The following FGF10 variants were observed in gnomAD, a reference collection of about 807,000 sequenced individuals.
The protein encoded by FGF10 is fibroblast growth factor 10.
FGF10 carries 2 observed loss-of-function variants against 19.8 expected under a neutral mutation model. That is an observed-to-expected ratio of 0.10 (90% CI 0.04 to 0.32). The LOEUF (loss-of-function observed/expected upper bound fraction) is 0.32, where lower values mean the gene tolerates loss of function less well. Ranked by LOEUF, FGF10 falls within the 10% of genes least tolerant of loss-of-function variation. The pLI is 1.00. For missense variants in FGF10, 191 were observed against 246.3 expected (o/e 0.78, Z 1.50); for synonymous variants, 112 against 94.0 (o/e 1.19, Z -1.10).
At position 44,313,696 on chromosome 5, in the gene FGF10, G is replaced by A. The variant is rs185125633; in HGVS notation, c.326-3166C>T. Among the ~76,000 whole-genome samples the A allele has an allele frequency of 4.0e-5, 6 of 151,600 alleles. No homozygotes were observed. In the East Asian group the frequency reaches 7.8e-4, roughly 20 times the overall value. ...AAAACAGATATTTTGTAAATTTATA[G>A]GCATATTCTTGTAGTGAAATTCTAT... On this transcript the variant is annotated intron_variant, in intron 1 of 2. Coordinates refer to ENST00000264664, the MANE Select transcript of FGF10 (RefSeq NM_004465.2).
chr5:44,353,215 T>A (rs1473761199), intron 1 of FGF10, among the ~76,000 whole-genome samples: 1 of 151,664 alleles, frequency 6.6e-6, no homozygotes, highest in Non-Finnish European at 1.5e-5. Context: ...CCCTCTTCAA[T>A]ATCCATGTAA....
At chr5:44,354,476 A>G (rs999601419) in intron 1 of FGF10, among the ~76,000 whole-genome samples, 1 of 151,488 alleles carries the variant, frequency 6.6e-6, no homozygotes, top group Non-Finnish European at 1.5e-5. Flanking sequence ...TTTTTAGGTC[A>G]AATAATCAAC....
intron 1 of FGF10, among the ~76,000 whole-genome samples, chr5:44,331,895 A>G (rs2111761103): frequency 6.6e-6 from 1 of 152,198 alleles, no homozygotes; most frequent in East Asian, 1.9e-4. Flanking sequence ...ATTGGTTGAT[A>G]TTTAATGTGG....
chr5:44,366,127 CTTTTTTTTTT>C (rs35522683), intron 1 of FGF10, among the ~76,000 whole-genome samples: 4 of 74,824 alleles, frequency 5.3e-5, no homozygotes, highest in African/African-American at 2.0e-4. Context: ...CAATTATTTC[CTTTTTTTTTT>C]TTTTTTTTTT....
chr5:44,336,537 C>A (rs1230593744), intron 1 of FGF10, among the ~76,000 whole-genome samples: 2 of 152,098 alleles, frequency 1.3e-5, no homozygotes, highest in East Asian at 3.9e-4. Context: ...GAAGAACTGT[C>A]TCATGGAAAG....
intron 1 of FGF10, among the ~76,000 whole-genome samples, chr5:44,310,862 T>G (rs1740195327): frequency 1.3e-5 from 2 of 152,144 alleles, no homozygotes. Flanking sequence ...GAAACAACTC[T>G]ACTCATCTTA....
intron 1 of FGF10, among the ~76,000 whole-genome samples, chr5:44,382,425 T>G (rs1217674573): frequency 6.6e-6 from 1 of 152,154 alleles, no homozygotes; most frequent in Non-Finnish European, 1.5e-5. Flanking sequence ...ACATCAACAT[T>G]TTGTATTCAT....
intron 1 of FGF10, among the ~76,000 whole-genome samples, chr5:44,365,962 A>T (rs1055724665): frequency 6.6e-6 from 1 of 151,844 alleles, no homozygotes; most frequent in Non-Finnish European, 1.5e-5. Flanking sequence ...TTCTGGGCGC[A>T]TAAAATTAAG....
At chr5:44,337,293 A>G (rs1465697477) in intron 1 of FGF10, among the ~76,000 whole-genome samples, 1 of 152,176 alleles carries the variant, frequency 6.6e-6, no homozygotes, top group African/African-American at 2.4e-5. Flanking sequence ...TCCACAGTCT[A>G]TTATAGAAGA....
intron 1 of FGF10, among the ~76,000 whole-genome samples, chr5:44,364,161 C>T (rs1326400246): frequency 6.6e-6 from 1 of 151,800 alleles, no homozygotes; most frequent in Non-Finnish European, 1.5e-5. Flanking sequence ...AATAGCATTT[C>T]TTACTGTGAC....
At chr5:44,381,263 A>T (rs1357058519) in intron 1 of FGF10, among the ~76,000 whole-genome samples, 1 of 152,158 alleles carries the variant, frequency 6.6e-6, no homozygotes, top group Non-Finnish European at 1.5e-5. Context: ...TCGAAATGAG[A>T]AGACGGTCCT....
intron 2 of FGF10, among the ~76,000 whole-genome samples, chr5:44,306,370 C>T (rs1740076040): frequency 6.6e-6 from 1 of 152,194 alleles, no homozygotes; most frequent in African/African-American, 2.4e-5. Flanking sequence ...GCACTGCAGC[C>T]TGGGCAACAG....
chr5:44,305,380 T>G (rs771937347), intron 2 of FGF10, among the ~76,000 whole-genome samples, 188 bp from the exon 3 acceptor site: 3 of 152,184 alleles, frequency 2.0e-5, no homozygotes, highest in Non-Finnish European at 4.4e-5. Flanking sequence ...ACATTCTGTT[T>G]GAAAGCACAT....
At chr5:44,343,122 A>G (rs1741006160) in intron 1 of FGF10, among the ~76,000 whole-genome samples, 1 of 152,080 alleles carries the variant, frequency 6.6e-6, no homozygotes, top group Non-Finnish European at 1.5e-5. Flanking sequence ...GTTTACAAAA[A>G]TAATTTTTCA....
chr5:44,322,156 A>G (rs1157425816), intron 1 of FGF10, among the ~76,000 whole-genome samples: 1 of 152,190 alleles, frequency 6.6e-6, no homozygotes, highest in Non-Finnish European at 1.5e-5. Context: ...AGAGATTTTT[A>G]GAACAACAAT....
chr5:44,363,117 A>G (rs751945404), intron 1 of FGF10, among the ~76,000 whole-genome samples: 3 of 151,860 alleles, frequency 2.0e-5, no homozygotes, highest in Non-Finnish European at 2.9e-5. Flanking sequence ...GTGAAAAACA[A>G]CAGATGAATA....
intron 1 of FGF10, among the ~76,000 whole-genome samples, chr5:44,370,497 C>T (rs1033908186): frequency 1.3e-5 from 2 of 152,070 alleles, no homozygotes; most frequent in African/African-American, 4.8e-5. Flanking sequence ...AGCCCCATTC[C>T]TAATTGCACC....
Position 44,302,843 on chromosome 5 carries a change from C to T in FGF10, c.*2152G>A, listed in dbSNP as rs958444543. ...TAAATGTCTATGTGAAATAAGAATC[C>T]AGTTTGTGCCCTGTTTGCTGTTACT... On this transcript the variant is annotated 3_prime_UTR_variant, in exon 3 of 3. Transcript: ENST00000264664. Among the ~76,000 whole-genome samples the T allele has an allele frequency of 6.6e-6, 1 of 152,040 alleles. No homozygotes were observed. The highest frequency in any genetic ancestry group is 2.4e-5 in the African/African-American group (1 of 41,386).
At chr5:44,316,492 G>T (rs1740353476) in intron 1 of FGF10, among the ~76,000 whole-genome samples, 1 of 152,136 alleles carries the variant, frequency 6.6e-6, no homozygotes, top group African/African-American at 2.4e-5. Flanking sequence ...AGTAATTCTA[G>T]ATTGGAGTAG....
Sources: allele counts gnomAD v4.1 joint callset (sites outside exome capture counted in the v4.1 genomes callset), GRCh38; gene constraint gnomAD v4.1.1; transcripts MANE v1.5; gene names NCBI Gene and HGNC (gene_info 2026-07-23, HGNC 2026-07-21).